The following RABGAP1 variants were observed in gnomAD, a reference collection of about 807,000 sequenced individuals.
The protein encoded by RABGAP1 is RAB GTPase activating protein 1.
RABGAP1 carries 23 observed loss-of-function variants against 137.6 expected under a neutral mutation model. The observed-to-expected ratio is 0.17, with a 90% CI of 0.12 to 0.24. The LOEUF is 0.24. RABGAP1 is among the 10% of genes least tolerant of loss of function. The pLI is 1.00. For synonymous variants in RABGAP1, 451 were observed against 450.7 expected (o/e 1.00, Z -0.01); for missense variants, 906 against 1,275.8 (o/e 0.71, Z 4.42).
intron 6 of RABGAP1, among the ~76,000 whole-genome samples, chr9:122,995,691 C>T (rs1836987100): frequency 6.6e-6 from 1 of 151,600 alleles, no homozygotes; most frequent in South Asian, 2.1e-4. Flanking sequence ...GCCTCAGCCT[C>T]CCGAATAGCT....
At chr9:123,083,929 G>A (rs1204607708) in intron 19 of RABGAP1, among the ~76,000 whole-genome samples, 1 of 152,220 alleles carries the variant, frequency 6.6e-6, no homozygotes, top group Non-Finnish European at 1.5e-5. Context: ...ACAAACGCTT[G>A]TAGATTTTCT....
intron 19 of RABGAP1, among the ~76,000 whole-genome samples, chr9:123,088,428 A>G (rs938405648): frequency 1.3e-5 from 2 of 152,030 alleles, no homozygotes; most frequent in African/African-American, 4.8e-5. Flanking sequence ...TTGAACATGT[A>G]ATTTAAAACA....
intron 20 of RABGAP1, 126 bp from the exon 21 acceptor site, chr9:123,090,149 C>A: frequency 1.4e-6 from 1 of 701,950 alleles, no homozygotes; most frequent in Non-Finnish European, 2.4e-6. Flanking sequence ...GGAAACACAT[C>A]AGGTCCAGCC....
chr9:123,076,470 T>C (rs2034513828), intron 18 of RABGAP1, among the ~76,000 whole-genome samples, 164 bp from the exon 19 acceptor site: 2 of 152,188 alleles, frequency 1.3e-5, no homozygotes, highest in African/African-American at 4.8e-5. Flanking sequence ...GCTGGAAATC[T>C]AGCATTACCC....
intron 16 of RABGAP1, 98 bp from the exon 17 acceptor site, chr9:123,074,180 CAAGTATT>C: frequency 7.3e-7 from 1 of 1,363,666 alleles, no homozygotes. Context: ...TAGAAAAACA[CAAGTATT>C]TTACTTTTTT....
intron 20 of RABGAP1, 97 bp downstream of exon 20, chr9:123,089,947 A>C: frequency 9.0e-7 from 1 of 1,109,446 alleles, no homozygotes; most frequent in Non-Finnish European, 1.3e-6. Flanking sequence ...TTTAAAATTC[A>C]ATTCCTCTGT....
At chr9:122,953,430 T>G (rs1231995259) in intron 1 of RABGAP1, among the ~76,000 whole-genome samples, 2 of 149,748 alleles carry the variant, frequency 1.3e-5, no homozygotes, top group Non-Finnish European at 3.0e-5. Context: ...TGAGACAGAG[T>G]CTTGCTCTGT....
intron 10 of RABGAP1, among the ~76,000 whole-genome samples, chr9:123,002,678 A>G (rs1245539662): frequency 2.1e-5 from 3 of 142,590 alleles, no homozygotes; most frequent in Non-Finnish European, 4.7e-5. Context: ...TCAGAGCTAC[A>G]TGTTAATTCA....
the RABGAP1 span, among the ~76,000 whole-genome samples, chr9:122,931,870 A>G: frequency 6.6e-6 from 1 of 152,182 alleles, no homozygotes; most frequent in Non-Finnish European, 1.5e-5. Context: ...CTCTGCACTT[A>G]AACTTTGGTA....
chr9:122,950,377 C>CTTTTTTTTTTTTTTTTTTTTTTTTTTG (rs200424486), intron 1 of RABGAP1, among the ~76,000 whole-genome samples: 1 of 74,492 alleles, frequency 1.3e-5, no homozygotes, highest in Admixed American at 1.8e-4. Flanking sequence ...CTTTTTCTTT[C>CTTTTTTTTTTTTTTTTTTTTTTTTTTG]TTTTTTTTTT....
At chr9:122,998,141 C>G (rs1837134831) in intron 9 of RABGAP1, among the ~76,000 whole-genome samples, 1 of 151,910 alleles carries the variant, frequency 6.6e-6, no homozygotes, top group Non-Finnish European at 1.5e-5. Context: ...ACTCTGTCAT[C>G]CAGGCTGGAA....
intron 12 of RABGAP1, among the ~76,000 whole-genome samples, chr9:123,019,367 C>T (rs2031458887): frequency 1.3e-5 from 2 of 152,064 alleles, no homozygotes. Flanking sequence ...TCTCTGTCAC[C>T]CAGGCTGGAG....
At chr9:122,984,457 G>A in intron 2 of RABGAP1, 28 bp from the exon 3 acceptor site, 1 of 1,584,678 alleles carries the variant, frequency 6.3e-7, no homozygotes, top group South Asian at 1.1e-5. Context: ...TTGTCACTTT[G>A]CTGATTGCAT....
At chr9:123,005,873 A>G (rs2030212710) in intron 10 of RABGAP1, among the ~76,000 whole-genome samples, 1 of 152,238 alleles carries the variant, frequency 6.6e-6, no homozygotes, top group African/African-American at 2.4e-5. Flanking sequence ...TGGACAGGGT[A>G]TGAGAATACC....
chr9:123,066,750 C>T (rs1340364518), intron 14 of RABGAP1, among the ~76,000 whole-genome samples: 1 of 152,140 alleles, frequency 6.6e-6, no homozygotes, highest in East Asian at 1.9e-4. Flanking sequence ...TCTAAATTTC[C>T]AGCAGACAAT....
At position 122,973,362 on chromosome 9, in the gene RABGAP1, C is replaced by G. The variant is rs558143432; in HGVS notation, c.151-11123C>G. On this transcript the variant is annotated intron_variant, in intron 2 of 25. Coordinates refer to ENST00000373647, the MANE Select transcript of RABGAP1 (RefSeq NM_012197.4). ...ACACCATTCCCCTGCCTCAGCCTCC[C>G]AGTAGCTGGGACTACAGGCGCCCAC... Among the ~76,000 whole-genome samples the G allele has an allele frequency of 5.5e-3, 835 of 152,216 alleles. 9 individuals are homozygous for G. The highest frequency in any genetic ancestry group is 7.3e-3 in the Non-Finnish European group (494 of 68,010).
intron 2 of RABGAP1, among the ~76,000 whole-genome samples, chr9:122,960,258 A>C (rs557335890): frequency 1.3e-5 from 2 of 152,224 alleles, no homozygotes; most frequent in Non-Finnish European, 2.9e-5. Flanking sequence ...AAGATACCCA[A>C]GTTTGATTGA....
At position 123,103,723 on chromosome 9, in the gene RABGAP1, A is replaced by G. The variant is rs1452056933; in HGVS notation, c.*510A>G. ...AAGGTCCCCCAGGTAGACATGGAGA[A>G]GCACTTTGTTTTAAATAGGAGGGTT... is the stretch of plus-strand genomic sequence containing the variant. On this transcript the variant is annotated 3_prime_UTR_variant, in exon 26 of 26. Transcript: ENST00000373647. The G allele has an allele frequency of 6.8e-6, 1 of 147,884 alleles. No homozygotes were observed. Among genetic ancestry groups the G allele is most frequent in the African/African-American group, 2.5e-5 (1 of 40,362 alleles). 9.2% of individuals were successfully genotyped at this position (147,884 alleles called of 1,614,324 possible). A position where few individuals can be genotyped will look rare whatever the true frequency, so the allele number is the denominator to read the frequency against.
rs1430918320 is a variant in RABGAP1 at position 123,035,609 on chromosome 9, A to G, written c.1794+15150A>G. On this transcript the variant is annotated intron_variant, in intron 13 of 25. Coordinates refer to ENST00000373647, the MANE Select transcript of RABGAP1 (RefSeq NM_012197.4). Reference sequence around the variant, plus strand: ...AGCAAAGGCCCTCTTAATGGATGTCATATCTGAAGTGGCTCAGTTACGGGG... The same window carrying G: ...AGCAAAGGCCCTCTTAATGGATGTCGTATCTGAAGTGGCTCAGTTACGGGG... 57 of 1,576,268 alleles carry G rather than the reference A, an allele frequency of 3.6e-5. No individual in the cohort carries two copies. Among genetic ancestry groups the G allele is most frequent in the Non-Finnish European group, 4.7e-5 (55 of 1,164,710 alleles).
Sources: allele counts gnomAD v4.1 joint callset (sites outside exome capture counted in the v4.1 genomes callset), GRCh38; gene constraint gnomAD v4.1.1; transcripts MANE v1.5; gene names NCBI Gene and HGNC (gene_info 2026-07-23, HGNC 2026-07-21).